The following MACROD2 variants were observed in gnomAD, a reference collection of about 807,000 sequenced individuals.
MACROD2 encodes ADP-ribose glycohydrolase MACROD2.
In MACROD2, 36 loss-of-function variants were observed where a neutral mutation model predicts 70.4. The ratio of observed to expected loss-of-function variants is 0.51; its 90% confidence interval spans 0.39 to 0.68. MACROD2 has a LOEUF of 0.68. MACROD2 is among the 30% of genes least tolerant of loss of function. MACROD2 has a pLI of 0.00. For synonymous variants in MACROD2, 172 were observed against 178.8 expected (o/e 0.96, Z 0.30); for missense variants, 496 against 538.4 (o/e 0.92, Z 0.78).
chr20:15,220,966 C>T (rs1205706615), intron 5 of MACROD2, among the ~76,000 whole-genome samples: 1 of 152,092 alleles, frequency 6.6e-6, no homozygotes, highest in Non-Finnish European at 1.5e-5. Context: ...CGTGTGGTGG[C>T]ACGGGAGTGG....
intron 3 of MACROD2, among the ~76,000 whole-genome samples, chr20:14,216,700 T>G (rs747785829): frequency 5.3e-4 from 81 of 152,254 alleles, no homozygotes; most frequent in Middle Eastern, 3.4e-3. Flanking sequence ...TTTTGTAGGT[T>G]TCCTTGTAGA....
chr20:14,565,108 CACTT>C (rs1979699126), intron 4 of MACROD2, among the ~76,000 whole-genome samples: 1 of 152,010 alleles, frequency 6.6e-6, no homozygotes, highest in Non-Finnish European at 1.5e-5. Flanking sequence ...CACATGTTCT[CACTT>C]ACAGGTGAGA....
At chr20:15,372,822 T>C (rs1443315379) in intron 6 of MACROD2, among the ~76,000 whole-genome samples, 1 of 151,990 alleles carries the variant, frequency 6.6e-6, no homozygotes, top group Non-Finnish European at 1.5e-5. Context: ...GAGGTGAAGG[T>C]GGGAGAATTA....
At chr20:15,700,561 A>G (rs1600777981) in intron 8 of MACROD2, among the ~76,000 whole-genome samples, 1 of 152,316 alleles carries the variant, frequency 6.6e-6, no homozygotes, top group Non-Finnish European at 1.5e-5. Flanking sequence ...GTAAGATTAT[A>G]TGTGAGGCAT....
chr20:14,791,507 G>T (rs1379390098), intron 5 of MACROD2, among the ~76,000 whole-genome samples: 2 of 152,040 alleles, frequency 1.3e-5, no homozygotes, highest in Non-Finnish European at 2.9e-5. Context: ...TTTACCCATG[G>T]CCTTTTCTGG....
At chr20:15,148,621 T>A (rs562024158) in intron 5 of MACROD2, among the ~76,000 whole-genome samples, 247 of 151,904 alleles carry the variant, frequency 1.6e-3, no homozygotes, top group African/African-American at 5.7e-3. Flanking sequence ...GATGACAAGT[T>A]TTTTGGGGCG....
At chr20:14,741,267 G>A (rs1485872366) in intron 5 of MACROD2, among the ~76,000 whole-genome samples, 1 of 152,048 alleles carries the variant, frequency 6.6e-6, no homozygotes, top group African/African-American at 2.4e-5. Context: ...TTTTCCTTTA[G>A]ACCAAGCATC....
intron 4 of MACROD2, among the ~76,000 whole-genome samples, chr20:14,601,251 G>A (rs1982478438): frequency 6.6e-6 from 1 of 152,072 alleles, no homozygotes; most frequent in Non-Finnish European, 1.5e-5. Flanking sequence ...TTTGGGAGTG[G>A]GAGATGTTTT....
At chr20:14,619,482 A>G (rs1272678984) in intron 4 of MACROD2, among the ~76,000 whole-genome samples, 10 of 101,500 alleles carry the variant, frequency 9.9e-5, no homozygotes, top group Non-Finnish European at 1.4e-4. Flanking sequence ...GAGGAAAGGA[A>G]GGAAGGAGGG....
intron 6 of MACROD2, among the ~76,000 whole-genome samples, chr20:15,370,576 T>C (rs941648999): frequency 4.6e-5 from 7 of 152,010 alleles, no homozygotes; most frequent in Non-Finnish European, 1.0e-4. Context: ...TCATTAAAAA[T>C]ATATACCACC....
At position 15,555,843 on chromosome 20, in the gene MACROD2, A is replaced by G. The variant is rs1159184329; in HGVS notation, c.645+55996A>G. On this transcript the variant is annotated intron_variant, in intron 8 of 17. Transcript: ENST00000684519. ...GACTCCATCTCAAAAAAAAAAAAAA[A>G]AAAAAAAAAAAGGAAAAGAAAAGAA... is the stretch of plus-strand genomic sequence containing the variant. 5.5e-5 allele frequency among the ~76,000 whole-genome samples: 8 copies of G among 146,618 alleles called. No individual in the cohort carries two copies. In the East Asian group the frequency reaches 1.1e-3, roughly 20 times the overall value.
At chr20:14,849,396 G>A (rs943860517) in intron 5 of MACROD2, among the ~76,000 whole-genome samples, 1 of 152,134 alleles carries the variant, frequency 6.6e-6, no homozygotes, top group East Asian at 1.9e-4. Context: ...GTGTGTTGAT[G>A]TTGCGACTCT....
rs576351409 is a variant in MACROD2 at position 15,201,954 on chromosome 20, G to T, written c.419-27986G>T. ...CCCAGTGACCAAAGTAAATTGGCAT[G>T]TGTATAAAATACAGGACCCACGGAA... is the stretch of plus-strand genomic sequence containing the variant. On this transcript the variant is annotated intron_variant, in intron 5 of 17. Coordinates refer to ENST00000684519, the MANE Select transcript of MACROD2 (RefSeq NM_001351661.2). 4.1e-4 allele frequency among the ~76,000 whole-genome samples: 63 copies of T among 152,306 alleles called. 1 individual carries two copies. The highest frequency in any genetic ancestry group is 3.5e-3 in the Admixed American group (54 of 15,296).
chr20:15,637,899 A>T (rs1362565330), intron 8 of MACROD2, among the ~76,000 whole-genome samples: 1 of 152,194 alleles, frequency 6.6e-6, no homozygotes, highest in Non-Finnish European at 1.5e-5. Flanking sequence ...CTAATAAGTA[A>T]CTAAAGTTTA....
intron 6 of MACROD2, among the ~76,000 whole-genome samples, chr20:15,308,522 T>A (rs1231622695): frequency 1.3e-5 from 2 of 152,174 alleles, no homozygotes; most frequent in Admixed American, 6.6e-5. Flanking sequence ...ATAGATTTGA[T>A]TAGAAATTTT....
chr20:15,522,105 T>G (rs1002398595), intron 8 of MACROD2, among the ~76,000 whole-genome samples: 5 of 152,168 alleles, frequency 3.3e-5, no homozygotes, highest in African/African-American at 9.7e-5. Flanking sequence ...ATATGCAGGG[T>G]CAGGACTAGG....
At chr20:14,365,275 T>C (rs2083261173) in intron 3 of MACROD2, among the ~76,000 whole-genome samples, 1 of 152,028 alleles carries the variant, frequency 6.6e-6, no homozygotes, top group Admixed American at 6.5e-5. Context: ...TATAGTATTC[T>C]CTTATAATCA....
intron 5 of MACROD2, among the ~76,000 whole-genome samples, chr20:15,064,456 T>C (rs1406374709): frequency 6.6e-6 from 1 of 152,190 alleles, no homozygotes; most frequent in Non-Finnish European, 1.5e-5. Context: ...AACTCTGCTG[T>C]CTTTGCCTTT....
chr20:15,283,419 T>C (rs2077463550), intron 6 of MACROD2, among the ~76,000 whole-genome samples: 1 of 152,190 alleles, frequency 6.6e-6, no homozygotes, highest in Non-Finnish European at 1.5e-5. Flanking sequence ...ACATCTGTAA[T>C]CCCTGCCCTT....
Sources: gnomAD v4.1 joint callset for allele counts (sites outside exome capture counted in the v4.1 genomes callset) on GRCh38, gnomAD v4.1.1 for gene constraint, MANE v1.5 for transcripts, NCBI Gene and HGNC (gene_info 2026-07-23, HGNC 2026-07-21) for gene names.